Variants in XPR1 observed in about 807,000 individuals in gnomAD.
The protein encoded by XPR1 is xenotropic and polytropic retrovirus receptor 1.
In XPR1, 28 loss-of-function variants were observed where a neutral mutation model predicts 87.5. The observed-to-expected ratio is 0.32, with a 90% CI of 0.24 to 0.44. The LOEUF is 0.44. Ranked by LOEUF, XPR1 falls within the 20% of genes least tolerant of loss-of-function variation. XPR1 has a pLI of 1.00. For synonymous variants in XPR1, 300 were observed against 306.1 expected, an observed-to-expected ratio of 0.98 and a Z score of 0.21; for missense variants, 559 against 862.3, an observed-to-expected ratio of 0.65 and a Z score of 4.41.
chr1:180,837,496 T>C (rs1237070645), intron 11 of XPR1, among the ~76,000 whole-genome samples: 1 of 152,198 alleles, frequency 6.6e-6, no homozygotes, highest in Non-Finnish European at 1.5e-5. Context: ...TGAGAGACTA[T>C]ATTTTAGGAG....
intron 2 of XPR1, among the ~76,000 whole-genome samples, chr1:180,740,818 G>A (rs1658891812): frequency 6.6e-6 from 1 of 152,126 alleles, no homozygotes; most frequent in Non-Finnish European, 1.5e-5. Context: ...GAATTCTTAG[G>A]TCAAAGCATC....
intron 6 of XPR1, among the ~76,000 whole-genome samples, chr1:180,807,776 A>T (rs551928234): frequency 6.6e-6 from 1 of 152,176 alleles, no homozygotes; most frequent in Non-Finnish European, 1.5e-5. Context: ...AGGCTGAGGC[A>T]GGTGGATCAC....
chr1:180,823,251 A>C (rs564489494), intron 7 of XPR1, among the ~76,000 whole-genome samples: 41 of 152,146 alleles, frequency 2.7e-4, no homozygotes, highest in South Asian at 1.0e-3. Context: ...AAAAAAAAAA[A>C]ACAAAAGTTT....
chr1:180,777,227 C>G (rs185732154), intron 2 of XPR1, among the ~76,000 whole-genome samples: 6 of 152,224 alleles, frequency 3.9e-5, no homozygotes, highest in African/African-American at 1.4e-4. Flanking sequence ...GTGCCCTCAC[C>G]CTAGTTGAGG....
intron 2 of XPR1, among the ~76,000 whole-genome samples, chr1:180,785,687 C>A (rs1400904078): frequency 6.6e-6 from 1 of 151,804 alleles, no homozygotes; most frequent in African/African-American, 2.4e-5. Flanking sequence ...ATGTTTGAAT[C>A]ATTTTGCTGA....
intron 3 of XPR1, among the ~76,000 whole-genome samples, chr1:180,797,506 T>C (rs370028156): frequency 2.0e-5 from 3 of 152,360 alleles, no homozygotes; most frequent in East Asian, 3.9e-4. Context: ...CTTTTCATTT[T>C]TGGGCTTCTT....
chr1:180,851,848 A>T (rs1054796672), intron 11 of XPR1, among the ~76,000 whole-genome samples: 3 of 152,100 alleles, frequency 2.0e-5, no homozygotes, highest in East Asian at 3.8e-4. Flanking sequence ...TAACTTTGTT[A>T]TTGAGGAGCC....
At chr1:180,728,586 G>T (rs1658441452) in intron 2 of XPR1, among the ~76,000 whole-genome samples, 2 of 152,114 alleles carry the variant, frequency 1.3e-5, no homozygotes, top group Non-Finnish European at 2.9e-5. Flanking sequence ...GCTCCCAGAG[G>T]CTGCTAAAAC....
At chr1:180,777,659 CAT>C (rs1305132321) in intron 2 of XPR1, among the ~76,000 whole-genome samples, 1 of 151,978 alleles carries the variant, frequency 6.6e-6, no homozygotes, top group African/African-American at 2.4e-5. Flanking sequence ...TTCATCTACC[CAT>C]CTGTTGATGT....
At chr1:180,748,126 G>A (rs1245933649) in intron 2 of XPR1, among the ~76,000 whole-genome samples, 2 of 152,068 alleles carry the variant, frequency 1.3e-5, no homozygotes, top group East Asian at 3.9e-4. Flanking sequence ...TTTACCACCT[G>A]TGTGATTTTT....
intron 7 of XPR1, among the ~76,000 whole-genome samples, chr1:180,820,269 A>C (rs1650579028): frequency 6.6e-6 from 1 of 152,120 alleles, no homozygotes; most frequent in South Asian, 2.1e-4. Context: ...CCCAAAAGGA[A>C]ACCCCACTCT....
In XPR1 at chr1:180,632,078, C is replaced by T. The variant is rs1654596733; in HGVS notation, c.-124C>T. On this transcript the variant is annotated 5_prime_UTR_variant, in exon 1 of 15. Coordinates refer to ENST00000367590, the MANE Select transcript of XPR1 (RefSeq NM_004736.4). ...TGCTCTGAAGAGACCTCGGCGGCGG[C>T]GGAGGAGGAGAGAAGCGCAGCGCCG... The T allele has an allele frequency of 1.1e-5, 13 of 1,171,124 alleles. No individual in the cohort carries two copies. The highest frequency in any genetic ancestry group is 1.6e-5 in the Non-Finnish European group (13 of 803,566). 72.5% of individuals were successfully genotyped at this position (1,171,124 alleles called of 1,614,324 possible).
At chr1:180,837,467 G>A (rs1651335655) in intron 11 of XPR1, among the ~76,000 whole-genome samples, 1 of 150,858 alleles carries the variant, frequency 6.6e-6, no homozygotes, top group South Asian at 2.1e-4. Context: ...TTTTTTTTCA[G>A]TGATTTTTTT....
At chr1:180,707,674 G>T (rs1020697106) in intron 2 of XPR1, among the ~76,000 whole-genome samples, 16 of 152,128 alleles carry the variant, frequency 1.1e-4, no homozygotes, top group African/African-American at 3.9e-4. Flanking sequence ...TGTCTTTACT[G>T]CAACTCTCCA....
At chr1:180,659,315 G>A (rs1655667362) in intron 1 of XPR1, among the ~76,000 whole-genome samples, 1 of 129,986 alleles carries the variant, frequency 7.7e-6, no homozygotes, top group African/African-American at 3.0e-5. Context: ...ATATTGGCCT[G>A]TAGTCTGTCT....
intron 2 of XPR1, among the ~76,000 whole-genome samples, chr1:180,696,815 CT>C (rs1435965539): frequency 6.6e-6 from 1 of 152,148 alleles, no homozygotes; most frequent in Admixed American, 6.5e-5. Flanking sequence ...TTGAGCCATC[CT>C]TGCATCCCTG....
At chr1:180,821,007 T>C (rs201851140) in intron 7 of XPR1, among the ~76,000 whole-genome samples, 3 of 63,942 alleles carry the variant, frequency 4.7e-5, no homozygotes, top group South Asian at 4.8e-4. Flanking sequence ...TATTCCTCCC[T>C]TTTTTTTTTT....
intron 9 of XPR1, 119 bp from the exon 10 acceptor site, chr1:180,834,755 G>A (rs1571880918): frequency 8.8e-7 from 1 of 1,134,676 alleles, no homozygotes; most frequent in Non-Finnish European, 1.2e-6. Context: ...ATTTATGATT[G>A]GTTCTTTGGT....
chr1:180,682,258 T>C, intron 1 of XPR1, 102 bp from the exon 2 acceptor site: 2 of 787,818 alleles, frequency 2.5e-6, no homozygotes, highest in Non-Finnish European at 3.9e-6. Flanking sequence ...TAGGGAGCTA[T>C]GAGTGGTCAT....
Sources: gnomAD v4.1 joint callset for allele counts (sites outside exome capture counted in the v4.1 genomes callset) on GRCh38, gnomAD v4.1.1 for gene constraint, MANE v1.5 for transcripts, NCBI Gene and HGNC (gene_info 2026-07-23, HGNC 2026-07-21) for gene names.